The following COL6A6 variants were observed in gnomAD, a reference collection of about 807,000 sequenced individuals.
COL6A6 encodes collagen alpha-6(VI) chain.
In COL6A6, 183 loss-of-function variants were observed where a neutral mutation model predicts 208.6. The observed-to-expected ratio is 0.88, with a 90% CI of 0.78 to 0.99. The LOEUF (loss-of-function observed/expected upper bound fraction) is 0.99, where lower values mean the gene tolerates loss of function less well. Among genes scored for constraint, COL6A6 ranks in the 50% least tolerant of loss-of-function variants. The pLI is 0.00. For missense variants in COL6A6, 2,816 were observed against 2,815.2 expected (o/e 1.00, Z -0.01); for synonymous variants, 973 against 1,011.8 (o/e 0.96, Z 0.73).
upstream of COL6A6, among the ~76,000 whole-genome samples, chr3:130,516,947 CCT>C (rs1292948815): frequency 6.6e-6 from 1 of 152,228 alleles, no homozygotes; most frequent in East Asian, 1.9e-4. Flanking sequence ...CCCAACTTCC[CCT>C]CTTTCTTTTC....
At position 130,590,078 on chromosome 3, in the gene COL6A6, G is replaced by T. The variant is rs115558861; in HGVS notation, c.4218+896G>T. ...TCTATGTGTAGCATAAATCTTAAAA[G>T]ATTTTTTAATAAACGGAGAATAATT... On this transcript the variant is annotated intron_variant, in intron 12 of 36. Transcript: ENST00000358511. 2.7e-3 allele frequency: 1,113 copies of T among 414,818 alleles called. 4 individuals are homozygous for T. Among genetic ancestry groups the T allele is most frequent in the African/African-American group, 0.02 (951 of 48,454 alleles). 25.7% of individuals were successfully genotyped at this position (414,818 alleles called of 1,614,324 possible). A position where few individuals can be genotyped will look rare whatever the true frequency, so the allele number is the denominator to read the frequency against.
intron 1 of COL6A6, among the ~76,000 whole-genome samples, chr3:130,549,069 C>G (rs2062585024): frequency 6.6e-6 from 1 of 152,166 alleles, no homozygotes; most frequent in Non-Finnish European, 1.5e-5. Flanking sequence ...TCCTTTAAAC[C>G]TATATTAACT....
intron 1 of COL6A6, among the ~76,000 whole-genome samples, chr3:130,538,785 A>T (rs1296142984): frequency 1.3e-5 from 2 of 152,108 alleles, no homozygotes; most frequent in Admixed American, 6.6e-5. Flanking sequence ...CAGTGGAGTG[A>T]TTCTGCCTGT....
At chr3:130,623,413 C>T (rs773890251) in intron 24 of COL6A6, among the ~76,000 whole-genome samples, 4 of 152,128 alleles carry the variant, frequency 2.6e-5, no homozygotes, top group Non-Finnish European at 4.4e-5. Context: ...GAGCCAAGAT[C>T]CTGCCACTGC....
Position 130,566,713 on chromosome 3 carries a change from A to C in COL6A6, c.1294A>C (p.Thr432Pro), listed in dbSNP as rs2063032315. The stretch of plus-strand genomic sequence containing the variant: ...TGATTCCTTTTTAGGTTGTGTGGAC[A>C]CTGAGGAAGCAGACATCTATCTGCT... ...TETLKSGCVD[T>P]EEADIYLLID... The change falls in exon 5 of 37, where the codon ACT becomes CCT. Residue 432 changes from threonine (T) to proline (P), a missense_variant. Thr to Pro is a conservative substitution (Grantham distance 38). Transcript: ENST00000358511. 1 of 1,605,630 alleles carries C rather than the reference A, an allele frequency of 6.2e-7. No individual in the cohort carries two copies. The highest frequency in any genetic ancestry group is 8.5e-7 in the Non-Finnish European group (1 of 1,175,034).
chr3:130,653,839 A>G (rs2065712672), intron 33 of COL6A6, among the ~76,000 whole-genome samples: 1 of 152,146 alleles, frequency 6.6e-6, no homozygotes, highest in Admixed American at 6.5e-5. Flanking sequence ...GTGGGGAGGT[A>G]TTGGGTGAGA....
chr3:130,563,508 G>A lies in COL6A6; in HGVS notation c.505G>A (p.Ala169Thr). 6.2e-7 allele frequency: 1 copy of A among 1,614,028 alleles called. No individual in the cohort carries two copies. The highest frequency in any genetic ancestry group is 8.5e-7 in the Non-Finnish European group (1 of 1,179,900). ...AATCATCTCTGTAGGGGTGCAGAAA[G>A]CTTCTGAGGAAAACCTGAAGGCCAT... ...VKIISVGVQKASEENLKAMAT... is the reference protein window; with the variant it reads ...VKIISVGVQKTSEENLKAMAT... The change falls in exon 3 of 37, where the codon GCT becomes ACT. Residue 169 changes from alanine to threonine, a missense_variant. Ala to Thr is a moderately conservative substitution (Grantham distance 58). Coordinates refer to ENST00000358511, the MANE Select transcript of COL6A6 (RefSeq NM_001102608.3).
At chr3:130,569,402 A>C (rs533199449) in intron 6 of COL6A6, among the ~76,000 whole-genome samples, 1 of 152,340 alleles carries the variant, frequency 6.6e-6, no homozygotes, top group African/African-American at 2.4e-5. Flanking sequence ...GGGAATGTAG[A>C]GTAATGGAAA....
intron 3 of COL6A6, 57 bp downstream of exon 3, chr3:130,563,721 T>C: frequency 8.5e-7 from 1 of 1,182,766 alleles, no homozygotes; most frequent in Non-Finnish European, 1.2e-6. Flanking sequence ...AAAATTAAAA[T>C]GGGGAGAGGA....
In COL6A6 at chr3:130,586,493, CTG is replaced by C. The variant is rs2063544727; in HGVS notation, c.3971-9_3971-8del. ...CCCACCTCACCTGGAACATTGTAAACTGTGTTGGATAGGCCTGAATGCCCTCA... is the reference window on the plus strand; with the variant it reads ...CCCACCTCACCTGGAACATTGTAAACTGTTGGATAGGCCTGAATGCCCTCA... On this transcript the variant is annotated splice_polypyrimidine_tract_variant and intron_variant, in intron 10 of 36. Coordinates refer to ENST00000358511, the MANE Select transcript of COL6A6 (RefSeq NM_001102608.3). 3 of 1,596,308 alleles carry C rather than the reference CTG, an allele frequency of 1.9e-6. No individual in the cohort carries two copies. The highest frequency in any genetic ancestry group is 1.4e-5 in the African/African-American group (1 of 74,050).
chr3:130,616,329 T>C lies in COL6A6; in HGVS notation c.4816-5492T>C, dbSNP rs984095502. ...TAGGATATACGTTTAAGAAAAGATGTGATTTCTGTTGACAATGTTCTGAAG... is the reference window on the plus strand; with the variant it reads ...TAGGATATACGTTTAAGAAAAGATGCGATTTCTGTTGACAATGTTCTGAAG... On this transcript the variant is annotated intron_variant, in intron 23 of 36. Coordinates refer to ENST00000358511, the MANE Select transcript of COL6A6 (RefSeq NM_001102608.3). Among the ~76,000 whole-genome samples the C allele has an allele frequency of 2.6e-5, 4 of 152,260 alleles. No individual in the cohort carries two copies. The East Asian group carries it at 7.7e-4, about 29-fold the overall frequency.
chr3:130,610,604 G>A, intron 22 of COL6A6, 45 bp from the exon 23 acceptor site: 2 of 1,364,312 alleles, frequency 1.5e-6, no homozygotes, highest in African/African-American at 1.5e-5. Flanking sequence ...AATATTCAAT[G>A]TTCTCTTTTA....
At chr3:130,526,803 C>G (rs1056625918) in intron 1 of COL6A6, among the ~76,000 whole-genome samples, 7 of 149,856 alleles carry the variant, frequency 4.7e-5, no homozygotes, top group Admixed American at 3.3e-4. Context: ...GGACTATATG[C>G]TCCATGAGAT....
intron 1 of COL6A6, among the ~76,000 whole-genome samples, chr3:130,526,986 T>G (rs780453704): frequency 7.2e-6 from 1 of 138,310 alleles, no homozygotes; most frequent in South Asian, 2.4e-4. Context: ...CTCCGAGAGT[T>G]TAAGTTAAGG....
At chr3:130,606,376 T>G (rs544151192) in intron 20 of COL6A6, among the ~76,000 whole-genome samples, 1 of 145,138 alleles carries the variant, frequency 6.9e-6, no homozygotes, top group East Asian at 2.0e-4. Flanking sequence ...CTTTTGAATG[T>G]TTGAGATAAT....
At chr3:130,599,104 A>T (rs1339007959) in intron 19 of COL6A6, among the ~76,000 whole-genome samples, 4 of 152,166 alleles carry the variant, frequency 2.6e-5, no homozygotes, top group Non-Finnish European at 5.9e-5. Context: ...TGTAAACCCC[A>T]ATTTTCTTAT....
chr3:130,639,764 C>G (rs2065259774), intron 28 of COL6A6, among the ~76,000 whole-genome samples: 2 of 151,808 alleles, frequency 1.3e-5, no homozygotes. Flanking sequence ...TACCGGTTTC[C>G]CAAAGAGAGT....
intron 34 of COL6A6, 125 bp downstream of exon 34, chr3:130,658,897 C>T: frequency 1.5e-6 from 1 of 652,392 alleles, no homozygotes; most frequent in South Asian, 1.8e-5. Flanking sequence ...CTCTGGGGTT[C>T]TGGGCCCACC....
chr3:130,581,740 G>A lies in COL6A6; in HGVS notation c.3727G>A (p.Val1243Met), dbSNP rs1295926602. ...GACTCAGGTCAGTGTGGCTTTTCAA[G>A]TGACCAATGCCATGGAAAAATATTC... Reference protein sequence around the residue: ...TETQVSVAFQVTNAMEKYSPK... With the variant: ...TETQVSVAFQMTNAMEKYSPK... The change falls in exon 9 of 37, where the codon GTG becomes ATG. Residue 1243 changes from valine (V) to methionine (M), a missense_variant. Transcript: ENST00000358511. 6.2e-7 allele frequency: 1 copy of A among 1,613,846 alleles called. No homozygotes were observed. Among genetic ancestry groups the A allele is most frequent in the African/African-American group, 1.3e-5 (1 of 74,924 alleles).
Sources: allele counts gnomAD v4.1 joint callset (sites outside exome capture counted in the v4.1 genomes callset), GRCh38; gene constraint gnomAD v4.1.1; transcripts MANE v1.5; gene names NCBI Gene and HGNC (gene_info 2026-07-23, HGNC 2026-07-21).